Variants in CNTLN observed in about 807,000 individuals in gnomAD.
CNTLN encodes the protein centlein.
CNTLN carries 212 observed loss-of-function variants against 180.0 expected under a neutral mutation model. The observed-to-expected ratio is 1.18, with a 90% confidence interval of 1.05 to 1.32. The LOEUF is 1.32. CNTLN is among the 40% of genes most tolerant of loss of function. CNTLN has a pLI of 0.00. For missense variants in CNTLN, 2,095 were observed against 1,610.9 expected, an observed-to-expected ratio of 1.30 and a Z score of -5.14; for synonymous variants, 722 against 563.1, an observed-to-expected ratio of 1.28 and a Z score of -3.99.
intron 23 of CNTLN, among the ~76,000 whole-genome samples, chr9:17,470,016 A>G (rs576347282): frequency 1.8e-4 from 28 of 152,080 alleles, no homozygotes; most frequent in African/African-American, 6.7e-4. Flanking sequence ...TATCAGTAGT[A>G]GTAATAGCAG....
At chr9:17,241,357 G>A (rs1326332024) in intron 5 of CNTLN, among the ~76,000 whole-genome samples, 3 of 152,164 alleles carry the variant, frequency 2.0e-5, no homozygotes, top group African/African-American at 7.2e-5. Context: ...TTAACAGTGA[G>A]TTCACTGTAG....
intron 13 of CNTLN, among the ~76,000 whole-genome samples, chr9:17,379,290 C>T (rs1393229080): frequency 6.6e-6 from 1 of 151,740 alleles, no homozygotes; most frequent in African/African-American, 2.4e-5. Context: ...TGGGTAGTTT[C>T]CTTAAATGCA....
rs1467148153 is a variant in CNTLN, at chr9:17,263,475, C to G, written c.850-10258C>G. Among the ~76,000 whole-genome samples the G allele has an allele frequency of 4.0e-5, 6 of 151,386 alleles. No individual in the cohort carries two copies. The East Asian group carries it at 1.2e-3, about 29-fold the overall frequency. On this transcript the variant is annotated intron_variant, in intron 5 of 25. Coordinates refer to ENST00000380647, the MANE Select transcript of CNTLN (RefSeq NM_017738.4). ...CATTTGGATTGGTTCCAAGTCTTTG[C>G]TATTGTGAATAGTACCACAATAAAC...
intron 6 of CNTLN, among the ~76,000 whole-genome samples, chr9:17,288,703 C>T (rs1441614333): frequency 1.4e-5 from 2 of 138,484 alleles, no homozygotes; most frequent in African/African-American, 3.0e-5. Flanking sequence ...GTATTGGGTG[C>T]ATATATATTT....
intron 2 of CNTLN, among the ~76,000 whole-genome samples, chr9:17,215,022 T>A (rs575859095): frequency 2.0e-5 from 3 of 152,152 alleles, no homozygotes; most frequent in Non-Finnish European, 4.4e-5. Context: ...CTGGGAGAAG[T>A]TTGATTGTCT....
chr9:17,275,930 T>C (rs922182456), intron 6 of CNTLN, among the ~76,000 whole-genome samples: 8 of 151,886 alleles, frequency 5.3e-5, no homozygotes, highest in African/African-American at 1.9e-4. Flanking sequence ...GAGCTAAACA[T>C]TGGGTACCCA....
rs75641374 is a variant in CNTLN at position 17,250,084 on chromosome 9, T to C, written c.849+13496T>C. Among the ~76,000 whole-genome samples the C allele has an allele frequency of 1.5e-4, 23 of 151,876 alleles. No homozygotes were observed. In the East Asian group the frequency reaches 4.1e-3, roughly 27 times the overall value. ...TTGTTTGGTGCCTACATGTTTATTA[T>C]TGTTATAACTTCTCGATAAGTTGAT... On this transcript the variant is annotated intron_variant, in intron 5 of 25. Transcript: ENST00000380647.
intron 15 of CNTLN, among the ~76,000 whole-genome samples, chr9:17,398,571 T>C (rs1327569251): frequency 6.6e-6 from 1 of 152,240 alleles, no homozygotes; most frequent in Middle Eastern, 3.2e-3. Flanking sequence ...AAGCTCGTTC[T>C]GTGCAGACTC....
chr9:17,286,149 T>C (rs1194366227), intron 6 of CNTLN, among the ~76,000 whole-genome samples: 2 of 77,092 alleles, frequency 2.6e-5, no homozygotes, highest in East Asian at 8.1e-4. Context: ...GTCTAACGTT[T>C]AAATCTTTAA....
chr9:17,164,807 T>G (rs1819949736), intron 2 of CNTLN, among the ~76,000 whole-genome samples: 1 of 151,620 alleles, frequency 6.6e-6, no homozygotes, highest in East Asian at 1.9e-4. Flanking sequence ...GTCCAGATTC[T>G]TAGAACATTT....
At chr9:17,299,707 G>A (rs907636657) in intron 7 of CNTLN, 22 of 984,972 alleles carry the variant, frequency 2.2e-5, no homozygotes, top group Non-Finnish European at 2.3e-5. Flanking sequence ...TCTAAAGCAC[G>A]TTCCATTGCT....
intron 12 of CNTLN, among the ~76,000 whole-genome samples, chr9:17,365,077 T>C (rs1344120551): frequency 6.6e-6 from 1 of 152,196 alleles, no homozygotes; most frequent in East Asian, 1.9e-4. Context: ...TAAATGTCCA[T>C]CTGATATGGT....
chr9:17,275,828 G>A (rs551732462), intron 6 of CNTLN, among the ~76,000 whole-genome samples: 1 of 152,058 alleles, frequency 6.6e-6, no homozygotes, highest in Admixed American at 6.6e-5. Flanking sequence ...AATTCTAAGA[G>A]TTTGATTATA....
chr9:17,407,564 A>G (rs533522137), intron 15 of CNTLN, among the ~76,000 whole-genome samples: 104 of 152,356 alleles, frequency 6.8e-4, no homozygotes, highest in African/African-American at 2.3e-3. Flanking sequence ...TTATTTGGCT[A>G]TAAAATACCA....
intron 8 of CNTLN, among the ~76,000 whole-genome samples, chr9:17,318,895 T>A (rs1172311485): frequency 6.6e-6 from 1 of 152,134 alleles, no homozygotes; most frequent in Non-Finnish European, 1.5e-5. Context: ...CTTCATTTAT[T>A]CAGTTATGTA....
At chr9:17,238,609 C>T (rs150122325) in intron 5 of CNTLN, among the ~76,000 whole-genome samples, 29 of 152,196 alleles carry the variant, frequency 1.9e-4, no homozygotes, top group Non-Finnish European at 2.5e-4. Context: ...CAGTTTTGCA[C>T]GACTGTCCAT....
chr9:17,178,880 GC>G (rs899411055), intron 2 of CNTLN, among the ~76,000 whole-genome samples: 1 of 152,172 alleles, frequency 6.6e-6, no homozygotes, highest in African/African-American at 2.4e-5. Context: ...CAGAGTGGGC[GC>G]CAAGGCCGAG....
At chr9:17,479,203 A>G (rs1832509822) in intron 23 of CNTLN, among the ~76,000 whole-genome samples, 2 of 152,228 alleles carry the variant, frequency 1.3e-5, no homozygotes, top group South Asian at 4.1e-4. Flanking sequence ...TATTTATCCA[A>G]AAGAAGTGAA....
intron 2 of CNTLN, among the ~76,000 whole-genome samples, chr9:17,182,291 T>C (rs1237158406): frequency 2.0e-5 from 3 of 152,154 alleles, no homozygotes; most frequent in African/African-American, 7.2e-5. Flanking sequence ...GGCTTTTTTC[T>C]TTCTGTACTT....
Sources: gnomAD v4.1 joint callset for allele counts (sites outside exome capture counted in the v4.1 genomes callset) on GRCh38, gnomAD v4.1.1 for gene constraint, MANE v1.5 for transcripts, NCBI Gene and HGNC (gene_info 2026-07-23, HGNC 2026-07-21) for gene names.